Variants in ZFR observed in about 807,000 individuals in gnomAD.
The protein encoded by ZFR is zinc finger RNA binding protein, also known as zinc finger RNA-binding protein.
Under a neutral mutation model 130.7 loss-of-function variants are expected in ZFR, and 19 were observed. The ratio of observed to expected loss-of-function variants is 0.15; its 90% confidence interval spans 0.10 to 0.21. The LOEUF is 0.21. Among genes scored for constraint, ZFR ranks in the 10% least tolerant of loss-of-function variants. The probability of loss-of-function intolerance (pLI) is 1.00; values close to 1 mark genes in which losing one functional copy is unlikely to be tolerated. For synonymous variants in ZFR, 466 were observed against 456.9 expected (o/e 1.02, Z -0.25); for missense variants, 872 against 1,321.5 (o/e 0.66, Z 5.27).
chr5:32,434,460 T>C (rs1005744159), intron 2 of ZFR, among the ~76,000 whole-genome samples: 2 of 152,350 alleles, frequency 1.3e-5, no homozygotes, highest in Admixed American at 6.5e-5. Context: ...CTCAACTGTG[T>C]TGAAGGAAAA....
chr5:32,363,704 T>A (rs1752481399), intron 19 of ZFR, among the ~76,000 whole-genome samples: 1 of 152,204 alleles, frequency 6.6e-6, no homozygotes, highest in Non-Finnish European at 1.5e-5. Context: ...ATTGCTGTAT[T>A]TTTATAATAT....
chr5:32,406,319 T>A (rs1484265341), intron 6 of ZFR, among the ~76,000 whole-genome samples: 1 of 152,202 alleles, frequency 6.6e-6, no homozygotes, highest in Non-Finnish European at 1.5e-5. Context: ...ACTAACATAC[T>A]ATAAAGTATA....
intron 19 of ZFR, among the ~76,000 whole-genome samples, chr5:32,360,102 A>C (rs1752399624): frequency 6.6e-6 from 1 of 152,206 alleles, no homozygotes; most frequent in Non-Finnish European, 1.5e-5. Flanking sequence ...GACATGATTT[A>C]ATCTATCCCT....
intron 17 of ZFR, among the ~76,000 whole-genome samples, chr5:32,368,579 G>A (rs1363682507): frequency 6.6e-6 from 1 of 152,172 alleles, no homozygotes; most frequent in Non-Finnish European, 1.5e-5. Flanking sequence ...AGCAATGGCA[G>A]TACTAAGATT....
At chr5:32,364,391 G>A (rs1239015427) in intron 17 of ZFR, 116 bp from the exon 18 acceptor site, 2 of 653,504 alleles carry the variant, frequency 3.1e-6, no homozygotes, top group East Asian at 5.8e-5. Flanking sequence ...CATAGAACAA[G>A]TCACAAAAAC....
chr5:32,397,371 T>G (rs1302925944), intron 9 of ZFR, 33 bp from the exon 10 acceptor site: 11 of 1,603,382 alleles, frequency 6.9e-6, no homozygotes, highest in Non-Finnish European at 9.4e-6. Flanking sequence ...AGAATCATCA[T>G]AGTTGAAGAT....
rs950322636 is a variant in ZFR at position 32,429,221 on chromosome 5, C to T, written c.138-9118G>A. ...CAGGATGGTCTCGATCTCCTGACCT[C>T]GTGATCTGCCCGGCTTGGCCTCCCA... On this transcript the variant is annotated intron_variant, in intron 2 of 19. Coordinates refer to ENST00000265069, the MANE Select transcript of ZFR (RefSeq NM_016107.5). Among the ~76,000 whole-genome samples, 14 of 152,186 alleles carry T rather than the reference C, an allele frequency of 9.2e-5. No homozygotes were observed. The East Asian group carries it at 1.7e-3, about 19-fold the overall frequency.
At chr5:32,424,342 G>A (rs750006036) in intron 2 of ZFR, among the ~76,000 whole-genome samples, 10 of 152,094 alleles carry the variant, frequency 6.6e-5, no homozygotes, top group Non-Finnish European at 1.5e-4. Context: ...AGGAGATAGA[G>A]ACCACGGTGA....
chr5:32,381,159 T>C (rs908553996), intron 15 of ZFR, among the ~76,000 whole-genome samples: 3 of 152,188 alleles, frequency 2.0e-5, no homozygotes, highest in Non-Finnish European at 2.9e-5. Flanking sequence ...CCTGTGACGA[T>C]AGATGTGTAG....
intron 2 of ZFR, among the ~76,000 whole-genome samples, chr5:32,423,820 A>G (rs1261536055): frequency 6.6e-6 from 1 of 152,228 alleles, no homozygotes; most frequent in African/African-American, 2.4e-5. Flanking sequence ...ACCTGCAACT[A>G]AATGAAAACT....
At chr5:32,355,983 C>A (rs752787417) in intron 19 of ZFR, 44 bp from the exon 20 acceptor site, 38 of 1,520,732 alleles carry the variant, frequency 2.5e-5, no homozygotes, top group Non-Finnish European at 3.1e-5. Context: ...TGAAAAACCC[C>A]AAGTAGTAAT....
At chr5:32,357,416 C>G (rs1233354332) in intron 19 of ZFR, among the ~76,000 whole-genome samples, 1 of 152,110 alleles carries the variant, frequency 6.6e-6, no homozygotes, top group East Asian at 1.9e-4. Flanking sequence ...CAGGTGCATA[C>G]CACCACGCCA....
chr5:32,388,052 T>C (rs1016831673), intron 13 of ZFR, among the ~76,000 whole-genome samples: 8 of 152,078 alleles, frequency 5.3e-5, no homozygotes, highest in African/African-American at 1.9e-4. Flanking sequence ...AATGCAAACT[T>C]GACATAAAGA....
Position 32,398,135 on chromosome 5 carries a change from C to T in ZFR, c.1714-797G>A, listed in dbSNP as rs370791300. Among the ~76,000 whole-genome samples, 18 of 152,176 alleles carry T rather than the reference C, an allele frequency of 1.2e-4. No individual in the cohort carries two copies. In the East Asian group the frequency reaches 2.3e-3, roughly 20 times the overall value. On this transcript the variant is annotated intron_variant, in intron 9 of 19. Coordinates refer to ENST00000265069, the MANE Select transcript of ZFR (RefSeq NM_016107.5). The stretch of plus-strand genomic sequence containing the variant: ...CCTCCCAAAGTGCTAGGATTACAGG[C>T]GTGAGCCACCATGCCTGGCCACTAT...
At chr5:32,444,423 G>T in intron 1 of ZFR, 95 bp from the exon 2 acceptor site, 2 of 1,399,876 alleles carry the variant, frequency 1.4e-6, no homozygotes, top group Middle Eastern at 2.5e-4. Context: ...AGAGAGAGGC[G>T]CCGTGAGAGC....
chr5:32,444,017 T>C (rs1247627349), intron 2 of ZFR, among the ~76,000 whole-genome samples: 1 of 137,142 alleles, frequency 7.3e-6, no homozygotes, highest in South Asian at 2.6e-4. Context: ...TCCCCCCTAC[T>C]GGGGGCCGCT....
intron 14 of ZFR, among the ~76,000 whole-genome samples, chr5:32,385,905 T>C (rs574693755): frequency 6.6e-6 from 1 of 152,206 alleles, no homozygotes; most frequent in East Asian, 1.9e-4. Context: ...CTATCTCTCT[T>C]AGATAATAAA....
At position 32,403,400 on chromosome 5, in the gene ZFR, A is replaced by G; in HGVS notation, c.1225-3T>C. ...AGTTTTGTGTGTAACTTAACCACCT[A>G]TAAAACAAAAGCACACTTATTTGTC... On this transcript the variant is annotated splice_polypyrimidine_tract_variant and splice_region_variant and intron_variant, in intron 7 of 19. Coordinates refer to ENST00000265069, the MANE Select transcript of ZFR (RefSeq NM_016107.5). 1 of 1,607,918 alleles carries G rather than the reference A, an allele frequency of 6.2e-7. No individual in the cohort carries two copies. The highest frequency in any genetic ancestry group is 1.1e-5 in the South Asian group (1 of 90,850).
At chr5:32,376,121 C>T (rs1395670091) in intron 17 of ZFR, among the ~76,000 whole-genome samples, 1 of 152,014 alleles carries the variant, frequency 6.6e-6, no homozygotes, top group Admixed American at 6.5e-5. Flanking sequence ...GGATTACAGG[C>T]ATGAGCCACC....
Sources: gnomAD v4.1 joint callset for allele counts (sites outside exome capture counted in the v4.1 genomes callset) on GRCh38, gnomAD v4.1.1 for gene constraint, MANE v1.5 for transcripts, NCBI Gene and HGNC (gene_info 2026-07-23, HGNC 2026-07-21) for gene names.